RNF150: variants seen among roughly 807,000 people sequenced by gnomAD.
RNF150 encodes ring finger protein 150.
RNF150 carries 24 observed loss-of-function variants against 39.3 expected under a neutral mutation model. The observed-to-expected ratio is 0.61, with a 90% CI of 0.44 to 0.86. RNF150 has a LOEUF of 0.86. Among genes scored for constraint, RNF150 ranks in the 40% least tolerant of loss-of-function variants. The pLI is 0.00. For missense variants in RNF150, 502 were observed against 587.8 expected (o/e 0.85, Z 1.51); for synonymous variants, 255 against 227.3 (o/e 1.12, Z -1.10).
At chr4:141,002,790 T>C (rs1053808407) in intron 1 of RNF150, among the ~76,000 whole-genome samples, 4 of 152,196 alleles carry the variant, frequency 2.6e-5, no homozygotes, top group Admixed American at 6.5e-5. Context: ...GCTTCAGCTC[T>C]GCCAACCTGG....
At chr4:140,901,138 TG>T (rs1332696026) in intron 6 of RNF150, among the ~76,000 whole-genome samples, 2 of 152,220 alleles carry the variant, frequency 1.3e-5, no homozygotes, top group East Asian at 3.8e-4. Context: ...CAGTGGTTTC[TG>T]GGCATTTGGT....
rs1204096790 is a variant in RNF150, at chr4:141,203,358, G to A, written c.-6+9436C>T. Reference sequence around the variant, plus strand: ...ATATATCTTGGAGATATATAATCTTGGAGATGATATATATATCTTGGAGAT... The same window carrying A: ...ATATATCTTGGAGATATATAATCTTAGAGATGATATATATATCTTGGAGAT... On this transcript the variant is annotated intron_variant, in intron 1 of 7. Transcript: ENST00000420921. Among the ~76,000 whole-genome samples, 3 of 149,854 alleles carry A rather than the reference G, an allele frequency of 2.0e-5. No individual in the cohort carries two copies. The East Asian group carries it at 5.9e-4, about 29-fold the overall frequency.
rs1186639344 is a variant in RNF150, at chr4:140,864,437, C to T, written c.*3824G>A. The T allele has an allele frequency of 6.6e-6, 1 of 152,236 alleles. No homozygotes were observed. Among genetic ancestry groups the T allele is most frequent in the Non-Finnish European group, 1.5e-5 (1 of 68,094 alleles). 9.4% of individuals were successfully genotyped at this position (152,236 alleles called of 1,614,324 possible). Reference sequence around the variant, plus strand: ...AGTGAATGCAAATGCTCCTTTTCTTCCCCATAGCATTGGGGTGGCAGGTGG... The same window carrying T: ...AGTGAATGCAAATGCTCCTTTTCTTTCCCATAGCATTGGGGTGGCAGGTGG... On this transcript the variant is annotated 3_prime_UTR_variant, in exon 7 of 7. Coordinates refer to ENST00000515673, the MANE Select transcript of RNF150 (RefSeq NM_020724.2).
intron 5 of RNF150, among the ~76,000 whole-genome samples, chr4:140,913,213 A>G (rs1458922434): frequency 1.3e-5 from 2 of 152,150 alleles, no homozygotes; most frequent in Non-Finnish European, 2.9e-5. Context: ...GTGAGCCAAG[A>G]TTGTCCCACT....
At chr4:141,176,954 A>T (rs1578781795) in intron 1 of RNF150, among the ~76,000 whole-genome samples, 1 of 150,874 alleles carries the variant, frequency 6.6e-6, no homozygotes, top group East Asian at 2.0e-4. Context: ...GGTGGTTCAC[A>T]CCTGTAATCC....
At chr4:141,013,930 C>T (rs1735166516) in intron 1 of RNF150, among the ~76,000 whole-genome samples, 1 of 152,092 alleles carries the variant, frequency 6.6e-6, no homozygotes, top group African/African-American at 2.4e-5. Flanking sequence ...AAAACCCATT[C>T]CTTATGTCTA....
chr4:141,179,655 A>G (rs1727872632), intron 1 of RNF150, among the ~76,000 whole-genome samples: 1 of 152,214 alleles, frequency 6.6e-6, no homozygotes, highest in Non-Finnish European at 1.5e-5. Context: ...GGCCACAGAC[A>G]GAAATCTGGT....
intron 1 of RNF150, among the ~76,000 whole-genome samples, chr4:141,190,270 A>C (rs354932): frequency 0.95 from 145,255 of 152,276 alleles, 69,643 homozygotes; most frequent in Non-Finnish European, 1. Flanking sequence ...TGTTCCTATT[A>C]GGCCATTTTG....
intron 4 of RNF150, chr4:140,944,452 G>C (rs1732207728): frequency 6.6e-6 from 1 of 152,182 alleles, no homozygotes; most frequent in Non-Finnish European, 1.5e-5. Context: ...ATGTGCTAGA[G>C]AGGGACTGGA....
chr4:141,179,630 T>C (rs1727871990), intron 1 of RNF150, among the ~76,000 whole-genome samples: 1 of 152,140 alleles, frequency 6.6e-6, no homozygotes, highest in Non-Finnish European at 1.5e-5. Flanking sequence ...ATTTGTTTCC[T>C]TTTTGCTTCT....
chr4:140,975,373 T>C (rs775797336), intron 1 of RNF150, among the ~76,000 whole-genome samples: 47 of 152,138 alleles, frequency 3.1e-4, no homozygotes, highest in Non-Finnish European at 5.0e-4. Context: ...TGTGCAGATT[T>C]TGAGTTTGTG....
intron 1 of RNF150, among the ~76,000 whole-genome samples, chr4:141,141,998 A>G (rs1412845322): frequency 6.6e-6 from 1 of 152,096 alleles, no homozygotes; most frequent in Non-Finnish European, 1.5e-5. Context: ...GATCAGTTTT[A>G]TTTTAAATTT....
chr4:140,886,708 C>A (rs1729591053), intron 6 of RNF150, among the ~76,000 whole-genome samples: 1 of 152,086 alleles, frequency 6.6e-6, no homozygotes, highest in South Asian at 2.1e-4. Flanking sequence ...GCCTCGACAC[C>A]CTGGACTCCA....
At chr4:141,149,701 G>T (rs1051636016) in intron 1 of RNF150, among the ~76,000 whole-genome samples, 2 of 152,094 alleles carry the variant, frequency 1.3e-5, no homozygotes, top group Non-Finnish European at 2.9e-5. Context: ...ATAAACATAC[G>T]TGTGCAAGTA....
intron 1 of RNF150, among the ~76,000 whole-genome samples, chr4:141,082,962 T>C (rs1205018351): frequency 2.6e-5 from 4 of 152,224 alleles, no homozygotes; most frequent in Non-Finnish European, 5.9e-5. Flanking sequence ...GCAGGTACAA[T>C]AGGTAATCTG....
intron 5 of RNF150, among the ~76,000 whole-genome samples, chr4:140,924,339 T>C (rs1430745068): frequency 6.6e-6 from 1 of 152,212 alleles, no homozygotes; most frequent in African/African-American, 2.4e-5. Flanking sequence ...TGCAACTTAT[T>C]TACAAGTAGC....
At chr4:140,999,980 GAAGAAAA>G (rs1734550007) in intron 1 of RNF150, among the ~76,000 whole-genome samples, 1 of 25,306 alleles carries the variant, frequency 4.0e-5, no homozygotes, top group East Asian at 1.0e-3. Flanking sequence ...AAGAAGAAAA[GAAGAAAA>G]GAAGAAAAGA....
At chr4:141,122,307 C>T (rs1439226578) in intron 1 of RNF150, among the ~76,000 whole-genome samples, 2 of 152,184 alleles carry the variant, frequency 1.3e-5, no homozygotes, top group Admixed American at 6.5e-5. Context: ...TCTCCTGATT[C>T]GCCACCTTCG....
intron 1 of RNF150, among the ~76,000 whole-genome samples, chr4:141,127,875 C>T (rs1183053412): frequency 6.6e-6 from 1 of 152,186 alleles, no homozygotes; most frequent in African/African-American, 2.4e-5. Flanking sequence ...ATTTCCTCAA[C>T]ATCACAACTC....
Sources: allele counts gnomAD v4.1 joint callset (sites outside exome capture counted in the v4.1 genomes callset), GRCh38; gene constraint gnomAD v4.1.1; transcripts MANE v1.5; gene names NCBI Gene and HGNC (gene_info 2026-07-23, HGNC 2026-07-21).